The following GALNTL5 variants were observed in gnomAD, a reference collection of about 807,000 sequenced individuals.
The protein encoded by GALNTL5 is polypeptide N-acetylgalactosaminyltransferase like 5.
Under a neutral mutation model 51.0 loss-of-function variants are expected in GALNTL5, and 44 were observed. The ratio of observed to expected loss-of-function variants is 0.86; its 90% CI spans 0.68 to 1.11. The LOEUF is 1.11. Ranked by LOEUF, GALNTL5 falls within the 50% of genes least tolerant of loss-of-function variation. The pLI is 0.00. For missense variants in GALNTL5, 528 were observed against 531.8 expected (o/e 0.99, Z 0.07); for synonymous variants, 192 against 182.8 (o/e 1.05, Z -0.41).
chr7:151,962,426 A>ATTT (rs762885233), intron 1 of GALNTL5, among the ~76,000 whole-genome samples: 6 of 33,912 alleles, frequency 1.8e-4, no homozygotes, highest in South Asian at 1.2e-3. Context: ...AGTCTGTGTG[A>ATTT]TTTTTTTTTC....
chr7:151,994,383 T>C (rs922057390), intron 5 of GALNTL5, among the ~76,000 whole-genome samples: 4 of 152,214 alleles, frequency 2.6e-5, no homozygotes, highest in African/African-American at 7.2e-5. Flanking sequence ...GTGATGTTCA[T>C]GTGCGCACAC....
At chr7:152,007,497 C>A (rs1480377645) in intron 6 of GALNTL5, among the ~76,000 whole-genome samples, 2 of 148,188 alleles carry the variant, frequency 1.3e-5, no homozygotes, top group African/African-American at 5.0e-5. Flanking sequence ...CAGCTCACTG[C>A]AACCTCTGCC....
Position 151,969,115 on chromosome 7 carries a change from T to A in GALNTL5, c.247+1622T>A, listed in dbSNP as rs6980180. On this transcript the variant is annotated intron_variant, in intron 2 of 8. Coordinates refer to ENST00000392800, the MANE Select transcript of GALNTL5 (RefSeq NM_145292.4). ...ATTCAAAAAGCACAATTTTACATTT[T>A]AAAATTTTCGGTTTTTTATTTTTCA... Among the ~76,000 whole-genome samples the A allele has an allele frequency of 7.9e-3, 1,209 of 152,356 alleles. 16 individuals are homozygous for A. Among genetic ancestry groups the A allele is most frequent in the African/African-American group, 0.027 (1,126 of 41,586 alleles).
At chr7:151,967,895 T>C (rs979153579) in intron 2 of GALNTL5, among the ~76,000 whole-genome samples, 1 of 152,226 alleles carries the variant, frequency 6.6e-6, no homozygotes, top group African/African-American at 2.4e-5. Context: ...TTGTGTTCTA[T>C]ATTTTTAATA....
chr7:151,964,060 G>A (rs966636416), intron 1 of GALNTL5, among the ~76,000 whole-genome samples: 1 of 152,072 alleles, frequency 6.6e-6, no homozygotes, highest in African/African-American at 2.4e-5. Flanking sequence ...TCCAGCTGCC[G>A]GCAGGTTTGG....
chr7:151,974,992 A>G (rs539645092), intron 3 of GALNTL5, among the ~76,000 whole-genome samples: 1 of 152,326 alleles, frequency 6.6e-6, no homozygotes, highest in Admixed American at 6.5e-5. Flanking sequence ...CTGGAGTCCA[A>G]CCAGATTTTT....
At chr7:151,993,340 T>A (rs1359805310) in intron 5 of GALNTL5, among the ~76,000 whole-genome samples, 3 of 152,184 alleles carry the variant, frequency 2.0e-5, no homozygotes, top group African/African-American at 7.2e-5. Context: ...TGGTTTTTCT[T>A]TTTTTCTAAA....
chr7:151,972,622 C>A (rs1022393696), intron 3 of GALNTL5, among the ~76,000 whole-genome samples: 4 of 152,186 alleles, frequency 2.6e-5, no homozygotes, highest in Non-Finnish European at 4.4e-5. Context: ...TGTGTCCCAG[C>A]CACTCCAGCT....
intron 5 of GALNTL5, among the ~76,000 whole-genome samples, chr7:152,000,388 A>C (rs918337375): frequency 3.3e-5 from 5 of 152,214 alleles, no homozygotes; most frequent in Non-Finnish European, 5.9e-5. Flanking sequence ...ACTGCTGACC[A>C]GAGACCACCA....
chr7:151,988,265 C>T (rs1003934198), intron 5 of GALNTL5, among the ~76,000 whole-genome samples: 3 of 152,186 alleles, frequency 2.0e-5, no homozygotes, highest in African/African-American at 4.8e-5. Context: ...TGGCTGTCAA[C>T]GCTGCTGGGC....
intron 2 of GALNTL5, among the ~76,000 whole-genome samples, chr7:151,969,441 C>G (rs561291591): frequency 6.6e-6 from 1 of 152,240 alleles, no homozygotes; most frequent in East Asian, 1.9e-4. Flanking sequence ...GACTCAGAGA[C>G]CCAGAGAATA....
Position 152,007,901 on chromosome 7 carries a change from A to G in GALNTL5, c.983A>G (p.Asp328Gly), listed in dbSNP as rs200153922. The change falls in exon 7 of 9, where the codon GAT (aspartate) becomes GGT (glycine). Residue 328 changes from aspartate to glycine, a missense_variant. Transcript: ENST00000392800. ...AATGAAATTGGACAGTATGACAAGG[A>G]TATGGATTTTTGGGGAAGAGAAAAT... The part of the protein sequence containing the change: ...YFNEIGQYDK[D>G]MDFWGRENLE... The G allele has an allele frequency of 3.7e-5, 59 of 1,611,418 alleles. No individual in the cohort carries two copies. In the Middle Eastern group the frequency reaches 6.6e-4, roughly 18 times the overall value.
At chr7:151,974,868 T>G (rs2081188484) in intron 3 of GALNTL5, among the ~76,000 whole-genome samples, 1 of 152,172 alleles carries the variant, frequency 6.6e-6, no homozygotes, top group African/African-American at 2.4e-5. Flanking sequence ...GAAAGAAAAG[T>G]GGACTTGGCA....
At chr7:151,963,234 C>T (rs2081014036) in intron 1 of GALNTL5, among the ~76,000 whole-genome samples, 2 of 152,154 alleles carry the variant, frequency 1.3e-5, no homozygotes, top group East Asian at 1.9e-4. Context: ...TGACAATTTC[C>T]TCTCCATTTT....
At chr7:152,010,573 G>C (rs1238024428) in intron 7 of GALNTL5, among the ~76,000 whole-genome samples, 3 of 151,836 alleles carry the variant, frequency 2.0e-5, no homozygotes, top group Admixed American at 1.3e-4. Flanking sequence ...TTTGAGACCA[G>C]CCTGGCTAAC....
intron 7 of GALNTL5, among the ~76,000 whole-genome samples, chr7:152,008,778 T>A (rs1212329822): frequency 6.6e-6 from 1 of 152,164 alleles, no homozygotes; most frequent in Non-Finnish European, 1.5e-5. Flanking sequence ...ATTCTCATGT[T>A]CCCTTTGGAC....
chr7:151,997,729 C>G (rs2151954261), intron 5 of GALNTL5, among the ~76,000 whole-genome samples: 1 of 152,170 alleles, frequency 6.6e-6, no homozygotes, highest in South Asian at 2.1e-4. Context: ...CAAGTGTACA[C>G]TGTATACAGT....
intron 5 of GALNTL5, among the ~76,000 whole-genome samples, chr7:151,990,988 C>CA (rs1426870521): frequency 6.6e-6 from 1 of 152,142 alleles, no homozygotes; most frequent in Non-Finnish European, 1.5e-5. Context: ...TAATAAAAAA[C>CA]AAACATATCA....
chr7:151,979,247 C>A (rs1336426724), intron 3 of GALNTL5, among the ~76,000 whole-genome samples: 2 of 144,502 alleles, frequency 1.4e-5, no homozygotes, highest in East Asian at 4.2e-4. Flanking sequence ...GTAGCTGGGA[C>A]CACAGGTGCC....
Sources: allele counts gnomAD v4.1 joint callset (sites outside exome capture counted in the v4.1 genomes callset), GRCh38; gene constraint gnomAD v4.1.1; transcripts MANE v1.5; gene names NCBI Gene and HGNC (gene_info 2026-07-23, HGNC 2026-07-21).